TNFRSF13B: variants seen among roughly 807,000 people sequenced by gnomAD.
The protein encoded by TNFRSF13B is TNF receptor superfamily member 13B, also known as tumor necrosis factor receptor superfamily member 13B.
TNFRSF13B carries 34 observed loss-of-function variants against 24.0 expected under a neutral mutation model. That is an observed-to-expected ratio of 1.41 (90% CI 1.08 to 1.88). The LOEUF is 1.88. Among genes scored for constraint, TNFRSF13B ranks in the 40% most tolerant of loss-of-function variants. The pLI is 0.00. For missense variants in TNFRSF13B, 415 were observed against 380.8 expected, an observed-to-expected ratio of 1.09 and a Z score of -0.75; for synonymous variants, 173 against 150.3, an observed-to-expected ratio of 1.15 and a Z score of -1.10.
At chr17:16,948,207 G>A (rs1295329761) in intron 3 of TNFRSF13B, among the ~76,000 whole-genome samples, 1 of 151,948 alleles carries the variant, frequency 6.6e-6, no homozygotes, top group African/African-American at 2.4e-5. Flanking sequence ...AGAGAGAGAG[G>A]GCAAGGGCTG....
intron 3 of TNFRSF13B, among the ~76,000 whole-genome samples, chr17:16,944,339 G>A (rs1360749106): frequency 2.0e-5 from 3 of 152,076 alleles, no homozygotes; most frequent in East Asian, 1.9e-4. Flanking sequence ...CAGTTCCAGC[G>A]CACAGAGCAC....
chr17:16,949,821 G>A (rs1177593676), intron 2 of TNFRSF13B, among the ~76,000 whole-genome samples: 2 of 151,766 alleles, frequency 1.3e-5, no homozygotes, highest in Non-Finnish European at 2.9e-5. Flanking sequence ...GAGTAGCTGG[G>A]ATTACAGGCG....
chr17:16,966,700 T>C (rs1202306078), intron 1 of TNFRSF13B, among the ~76,000 whole-genome samples: 1 of 152,126 alleles, frequency 6.6e-6, no homozygotes, highest in Non-Finnish European at 1.5e-5. Flanking sequence ...ATTTACCCAC[T>C]GACCCAGTGA....
chr17:16,943,848 G>A (rs564657700), intron 3 of TNFRSF13B, among the ~76,000 whole-genome samples: 1 of 152,310 alleles, frequency 6.6e-6, no homozygotes, highest in South Asian at 2.1e-4. Context: ...CAGGCTGCCT[G>A]GGCCACCTGT....
At chr17:16,940,844 G>A (rs2087505052) in intron 3 of TNFRSF13B, 4 of 1,240,784 alleles carry the variant, frequency 3.2e-6, no homozygotes, top group African/African-American at 1.5e-5. Context: ...ATGCTCCAGG[G>A]AGCATGTCTC....
chr17:16,948,685 C>T (rs2087565829), intron 3 of TNFRSF13B, 53 bp downstream of exon 3: 1 of 1,611,888 alleles, frequency 6.2e-7, no homozygotes, highest in South Asian at 1.1e-5. Flanking sequence ...ATCAGGCCTC[C>T]CACGCTTTCT....
intron 1 of TNFRSF13B, among the ~76,000 whole-genome samples, chr17:16,954,368 A>G (rs2087610780): frequency 6.6e-6 from 1 of 152,210 alleles, no homozygotes; most frequent in Admixed American, 6.5e-5. Context: ...TGGATAACAG[A>G]GTGAGACCCA....
intron 3 of TNFRSF13B, among the ~76,000 whole-genome samples, chr17:16,948,326 C>A (rs1240900691): frequency 6.6e-6 from 1 of 152,016 alleles, no homozygotes; most frequent in Admixed American, 6.6e-5. Flanking sequence ...ACACATGTAC[C>A]CCCGGATCTA....
rs905843714 is a variant in TNFRSF13B at position 16,958,154 on chromosome 17, AGTTGAT to A, written c.62-5577_62-5572del. Among the ~76,000 whole-genome samples, 28 of 152,058 alleles carry A rather than the reference AGTTGAT, an allele frequency of 1.8e-4. 1 individual carries two copies. The highest frequency in any genetic ancestry group is 1.5e-5 in the Non-Finnish European group (1 of 67,984). On this transcript the variant is annotated intron_variant, in intron 1 of 4. Transcript: ENST00000261652. ...AAGCTCTTATGACCTACCGAAACTA[AGTTGAT>A]ATTATTCAAACTAGGACGTCATAAG...
chr17:16,961,272 A>T (rs543929827), intron 1 of TNFRSF13B, among the ~76,000 whole-genome samples: 8 of 152,340 alleles, frequency 5.3e-5, no homozygotes, highest in African/African-American at 1.9e-4. Context: ...TGAAACAGGG[A>T]TGTGAACAGA....
At position 16,939,327 on chromosome 17, in the gene TNFRSF13B, G is replaced by C; in HGVS notation, c.*220C>G. Reference sequence around the variant, plus strand: ...TCCCTCTCTGCCTCTCTCCTTCTCTGCCTGTCTCTTTCCTTCTCTGCCTCT... The same window carrying C: ...TCCCTCTCTGCCTCTCTCCTTCTCTCCCTGTCTCTTTCCTTCTCTGCCTCT... On this transcript the variant is annotated 3_prime_UTR_variant, in exon 5 of 5. Transcript: ENST00000261652. 2 of 532,566 alleles carry C rather than the reference G, an allele frequency of 3.8e-6. No homozygotes were observed. The highest frequency in any genetic ancestry group is 6.3e-6 in the Non-Finnish European group (2 of 315,292). 33.0% of individuals were successfully genotyped at this position (532,566 alleles called of 1,614,324 possible). A position where few individuals can be genotyped will look rare whatever the true frequency, so the allele number is the denominator to read the frequency against.
chr17:16,968,066 G>A (rs2087717262), intron 1 of TNFRSF13B, among the ~76,000 whole-genome samples: 2 of 149,080 alleles, frequency 1.3e-5, no homozygotes, highest in South Asian at 2.1e-4. Flanking sequence ...GCATGAACCC[G>A]GGAGGCGGAG....
At chr17:16,951,166 G>T (rs74892229) in intron 2 of TNFRSF13B, among the ~76,000 whole-genome samples, 21 of 152,076 alleles carry the variant, frequency 1.4e-4, no homozygotes, top group African/African-American at 4.8e-4. Flanking sequence ...CCAGGATGTC[G>T]CTGTGACATC....
intron 3 of TNFRSF13B, among the ~76,000 whole-genome samples, chr17:16,945,618 A>T (rs531758937): frequency 1.3e-5 from 2 of 152,304 alleles, no homozygotes; most frequent in East Asian, 3.9e-4. Flanking sequence ...GCATCACTGG[A>T]TGCAGGGAAG....
intron 1 of TNFRSF13B, among the ~76,000 whole-genome samples, chr17:16,957,170 AAG>A (rs1285649034): frequency 6.8e-6 from 1 of 146,558 alleles, no homozygotes; most frequent in African/African-American, 2.6e-5. Context: ...AATGCTCTAA[AAG>A]TAGTCTTTTT....
chr17:16,971,864 T>G (rs553679745), intron 1 of TNFRSF13B, 151 bp downstream of exon 1: 10 of 769,794 alleles, frequency 1.3e-5, no homozygotes, highest in South Asian at 3.0e-5. Context: ...GGGCTCTCCA[T>G]GTGCAGGAGC....
intron 3 of TNFRSF13B, among the ~76,000 whole-genome samples, chr17:16,941,891 A>C (rs746891053): frequency 1.3e-5 from 2 of 152,108 alleles, no homozygotes; most frequent in Non-Finnish European, 2.9e-5. Context: ...GGCTCCTTGC[A>C]CTTGGCTTTG....
At chr17:16,962,064 G>A (rs923607297) in intron 1 of TNFRSF13B, among the ~76,000 whole-genome samples, 4 of 152,176 alleles carry the variant, frequency 2.6e-5, no homozygotes, top group Non-Finnish European at 5.9e-5. Flanking sequence ...AATGGAAGAA[G>A]GGTAAATGTC....
chr17:16,955,002 G>A (rs1020592366), intron 1 of TNFRSF13B, among the ~76,000 whole-genome samples: 3 of 152,218 alleles, frequency 2.0e-5, no homozygotes, highest in African/African-American at 7.2e-5. Flanking sequence ...CCTGCAACTG[G>A]CAGGAAATCA....
Sources: allele counts gnomAD v4.1 joint callset (sites outside exome capture counted in the v4.1 genomes callset), GRCh38; gene constraint gnomAD v4.1.1; transcripts MANE v1.5; gene names NCBI Gene and HGNC (gene_info 2026-07-23, HGNC 2026-07-21).